DIAPH3: variants seen among roughly 807,000 people sequenced by gnomAD.
DIAPH3 encodes diaphanous related formin 3.
A neutral mutation model predicts 144.3 loss-of-function variants in DIAPH3; 117 were observed. The observed-to-expected ratio is 0.81, with a 90% CI of 0.70 to 0.95. The LOEUF is 0.95. Ranked by LOEUF, DIAPH3 falls within the 40% of genes least tolerant of loss-of-function variation. The probability of loss-of-function intolerance (pLI) is 0.00; values close to 1 mark genes in which losing one functional copy is unlikely to be tolerated. For synonymous variants in DIAPH3, 519 were observed against 488.9 expected, an observed-to-expected ratio of 1.06 and a Z score of -0.81; for missense variants, 1,421 against 1,412.7, an observed-to-expected ratio of 1.01 and a Z score of -0.09.
chr13:59,814,564 G>A (rs143744687), intron 24 of DIAPH3, among the ~76,000 whole-genome samples: 288 of 152,208 alleles, frequency 1.9e-3, no homozygotes, highest in African/African-American at 6.5e-3. Context: ...CAGAAAAACT[G>A]AATAATTAAA....
chr13:59,697,439 G>T (rs546763164), intron 27 of DIAPH3, among the ~76,000 whole-genome samples: 1 of 115,952 alleles, frequency 8.6e-6, no homozygotes, highest in African/African-American at 3.5e-5. Flanking sequence ...CAGCCTGGGC[G>T]ACAGAGCGAG....
chr13:60,080,602 C>T (rs2057523247), intron 4 of DIAPH3, among the ~76,000 whole-genome samples: 1 of 151,794 alleles, frequency 6.6e-6, no homozygotes, highest in African/African-American at 2.4e-5. Flanking sequence ...TCCTATGCTC[C>T]TATAATCTAA....
chr13:60,123,673 C>A (rs959678261), intron 2 of DIAPH3, among the ~76,000 whole-genome samples: 1 of 152,124 alleles, frequency 6.6e-6, no homozygotes, highest in Non-Finnish European at 1.5e-5. Flanking sequence ...CCAATCCATG[C>A]TGGTATTTCT....
chr13:59,784,848 C>T (rs552741879), intron 25 of DIAPH3, among the ~76,000 whole-genome samples: 67 of 151,226 alleles, frequency 4.4e-4, no homozygotes, highest in Non-Finnish European at 8.4e-4. Flanking sequence ...ACCACACACG[C>T]GCGCACACAC....
intron 2 of DIAPH3, among the ~76,000 whole-genome samples, chr13:60,115,534 T>C (rs887348295): frequency 2.0e-5 from 3 of 152,168 alleles, no homozygotes; most frequent in Non-Finnish European, 4.4e-5. Context: ...TAGAGTAATA[T>C]AGTGTGCGGT....
chr13:59,861,018 G>T (rs1174199737), intron 22 of DIAPH3, among the ~76,000 whole-genome samples: 1 of 152,052 alleles, frequency 6.6e-6, no homozygotes, highest in South Asian at 2.1e-4. Flanking sequence ...AGGTAAGTAG[G>T]GAGGGACACT....
intron 20 of DIAPH3, among the ~76,000 whole-genome samples, chr13:59,904,255 C>T (rs183482459): frequency 6.6e-6 from 1 of 152,040 alleles, no homozygotes; most frequent in African/African-American, 2.4e-5. Context: ...AGACGTAATG[C>T]TGGGTGGGAA....
intron 17 of DIAPH3, among the ~76,000 whole-genome samples, chr13:59,945,513 G>A (rs112354129): frequency 6.6e-5 from 10 of 152,048 alleles, no homozygotes; most frequent in Middle Eastern, 3.4e-3. Context: ...TAACCAAAAC[G>A]AGAGCCCTGC....
At chr13:59,681,421 G>A (rs956973143) in intron 27 of DIAPH3, among the ~76,000 whole-genome samples, 1 of 152,136 alleles carries the variant, frequency 6.6e-6, no homozygotes, top group Non-Finnish European at 1.5e-5. Flanking sequence ...AGGCTGCAGT[G>A]AGCCATGACT....
intron 20 of DIAPH3, among the ~76,000 whole-genome samples, chr13:59,899,099 G>C (rs1379417960): frequency 6.6e-6 from 1 of 152,166 alleles, no homozygotes; most frequent in Non-Finnish European, 1.5e-5. Context: ...CTGCACCAGA[G>C]GTTTGCCAGG....
chr13:59,691,574 TATGATG>T (rs1209041028), intron 27 of DIAPH3, among the ~76,000 whole-genome samples: 2 of 152,166 alleles, frequency 1.3e-5, no homozygotes, highest in Admixed American at 6.5e-5. Context: ...ACTGTGAACA[TATGATG>T]ATTAAGGAAT....
intron 27 of DIAPH3, among the ~76,000 whole-genome samples, chr13:59,720,382 A>G (rs1390533914): frequency 6.6e-6 from 1 of 152,140 alleles, no homozygotes; most frequent in Non-Finnish European, 1.5e-5. Context: ...AAACTGTAAA[A>G]ACACTATGCT....
At chr13:60,083,533 G>A (rs2057636845) in intron 4 of DIAPH3, among the ~76,000 whole-genome samples, 1 of 151,836 alleles carries the variant, frequency 6.6e-6, no homozygotes, top group Admixed American at 6.6e-5. Context: ...GAAATACAGA[G>A]GATAGGAAAA....
chr13:59,670,112 T>C (rs1354023732), intron 27 of DIAPH3, among the ~76,000 whole-genome samples: 1 of 152,174 alleles, frequency 6.6e-6, no homozygotes, highest in Non-Finnish European at 1.5e-5. Flanking sequence ...AGCATTTCTA[T>C]CCTTTTGAGA....
At position 59,900,781 on chromosome 13, in the gene DIAPH3, C is replaced by G. The variant is rs191547546; in HGVS notation, c.2367+10954G>C. 3.3e-5 allele frequency among the ~76,000 whole-genome samples: 5 copies of G among 152,270 alleles called. No individual in the cohort carries two copies. The South Asian group carries it at 6.2e-4, about 19-fold the overall frequency. On this transcript the variant is annotated intron_variant, in intron 20 of 27. Transcript: ENST00000400324. The stretch of plus-strand genomic sequence containing the variant: ...ATCCCTGAACTCCCAGCTTATACCC[C>G]CAAATGCATGCTTCATATGTCCACT...
intron 25 of DIAPH3, among the ~76,000 whole-genome samples, chr13:59,783,034 T>G (rs150635482): frequency 1.9e-3 from 291 of 152,302 alleles, no homozygotes; most frequent in African/African-American, 6.5e-3. Flanking sequence ...TGAAGTCATT[T>G]TAAGCTAGGA....
intron 10 of DIAPH3, 115 bp downstream of exon 10, chr13:59,992,358 T>G: frequency 9.0e-7 from 1 of 1,115,216 alleles, no homozygotes; most frequent in Non-Finnish European, 1.3e-6. Flanking sequence ...ATAGATTTTT[T>G]AACTCAAGCC....
intron 27 of DIAPH3, among the ~76,000 whole-genome samples, chr13:59,729,185 C>G (rs570338502): frequency 6.6e-6 from 1 of 152,136 alleles, no homozygotes; most frequent in African/African-American, 2.4e-5. Flanking sequence ...AGTCAGTGGA[C>G]TGGGTCAAAA....
At position 59,925,493 on chromosome 13, in the gene DIAPH3, A is replaced by G. The variant is rs184147232; in HGVS notation, c.2075-623T>C. Among the ~76,000 whole-genome samples the G allele has an allele frequency of 2.2e-3, 341 of 152,276 alleles. 2 individuals are homozygous for G. The highest frequency in any genetic ancestry group is 7.5e-3 in the African/African-American group (311 of 41,558). On this transcript the variant is annotated intron_variant, in intron 17 of 27. Coordinates refer to ENST00000400324, the MANE Select transcript of DIAPH3 (RefSeq NM_001042517.2). The stretch of plus-strand genomic sequence containing the variant: ...GAGGATTTCTGCATCTAAATTCATC[A>G]GGAATATTGGTCTAAGTTTTCTTTT...
Sources: allele counts gnomAD v4.1 joint callset (sites outside exome capture counted in the v4.1 genomes callset), GRCh38; gene constraint gnomAD v4.1.1; transcripts MANE v1.5; gene names NCBI Gene and HGNC (gene_info 2026-07-23, HGNC 2026-07-21).